ST14: variants seen among roughly 807,000 people sequenced by gnomAD.
ST14 encodes suppressor of tumorigenicity 14 protein.
ST14 carries 40 observed loss-of-function variants against 96.5 expected under a neutral mutation model. That is an observed-to-expected ratio of 0.41 (90% confidence interval 0.32 to 0.54). ST14 has a LOEUF of 0.54. Among genes scored for constraint, ST14 ranks in the 20% least tolerant of loss-of-function variants. The probability of loss-of-function intolerance (pLI) is 0.17; values close to 1 mark genes in which losing one functional copy is unlikely to be tolerated. For missense variants in ST14, 1,066 were observed against 1,188.9 expected (o/e 0.90, Z 1.52); for synonymous variants, 506 against 492.1 (o/e 1.03, Z -0.37).
Position 130,199,953 on chromosome 11 carries a change from T to C in ST14, c.1810T>C (p.Cys604Arg). Residue 604 changes from cysteine to arginine, a missense_variant and splice_region_variant, in exon 16 of 19, where the codon TGT becomes CGT. Coordinates refer to ENST00000278742, the MANE Select transcript of ST14 (RefSeq NM_021978.4). ...SDGSDEKDCD[C>R]GLRSFTRQAR... Reference sequence around the variant, plus strand: ...CTGGTTCTCTGCTCCCTCTGCAGACTGTGGGCTGCGGTCATTCACGAGACA... The same window carrying C: ...CTGGTTCTCTGCTCCCTCTGCAGACCGTGGGCTGCGGTCATTCACGAGACA... 1 of 1,614,210 alleles carries C rather than the reference T, an allele frequency of 6.2e-7. No homozygotes were observed. The highest frequency in any genetic ancestry group is 8.5e-7 in the Non-Finnish European group (1 of 1,180,024).
In ST14 at chr11:130,190,647, G is replaced by T; in HGVS notation, c.828G>T (p.Val276=). The change falls in exon 7 of 19, where the codon GTG becomes GTT. Residue 276 remains valine, a synonymous_variant. Transcript: ENST00000278742. The part of the protein sequence containing the change: ...ASCDERGSDL[V]TVYNTLSPME... ...GCGACGAGCGCGGCAGCGACCTGGT[G>T]ACGGTGTACAACACCCTGAGCCCCA... 1 of 1,607,138 alleles carries T rather than the reference G, an allele frequency of 6.2e-7. No homozygotes were observed. Among genetic ancestry groups the T allele is most frequent in the Non-Finnish European group, 8.5e-7 (1 of 1,177,348 alleles).
At chr11:130,173,626 A>G (rs1002479454) in intron 1 of ST14, among the ~76,000 whole-genome samples, 3 of 151,838 alleles carry the variant, frequency 2.0e-5, no homozygotes, top group Non-Finnish European at 2.9e-5. Flanking sequence ...ACACCCTCCA[A>G]CAAAAAAAAT....
rs1023357586 is a variant in ST14, at chr11:130,187,895, C to T, written c.82-219C>T. 4.6e-5 allele frequency among the ~76,000 whole-genome samples: 7 copies of T among 152,174 alleles called. No individual in the cohort carries two copies. Among genetic ancestry groups the T allele is most frequent in the Non-Finnish European group, 5.9e-5 (4 of 68,030 alleles). The stretch of plus-strand genomic sequence containing the variant: ...CCCTGAGATGCGTGGTTGGGAAGGC[C>T]GACCTCATGTTCCTCCCAGAGCATG... On this transcript the variant is annotated intron_variant, in intron 1 of 18. Transcript: ENST00000278742. This position sits in a 1 kb window ranked among gnomAD's most constrained non-coding sequence, Gnocchi z 4.5.
At chr11:130,201,520 C>T (rs981203653) in intron 16 of ST14, among the ~76,000 whole-genome samples, 5 of 152,240 alleles carry the variant, frequency 3.3e-5, no homozygotes, top group African/African-American at 1.2e-4. Context: ...ACAGCAAGAG[C>T]CTGTGGGGAG....
chr11:130,170,959 C>G (rs1257514767), intron 1 of ST14, among the ~76,000 whole-genome samples: 2 of 152,036 alleles, frequency 1.3e-5, no homozygotes, highest in African/African-American at 4.8e-5. Context: ...ACATTACAGA[C>G]AGGGGCCTGT....
intron 1 of ST14, among the ~76,000 whole-genome samples, chr11:130,171,396 C>T (rs1953091327): frequency 6.6e-6 from 1 of 152,142 alleles, no homozygotes; most frequent in Admixed American, 6.5e-5. Context: ...AAGGAAAATG[C>T]TTAGTTTGTT....
At chr11:130,168,060 A>G (rs1362926008) in intron 1 of ST14, among the ~76,000 whole-genome samples, 2 of 152,106 alleles carry the variant, frequency 1.3e-5, no homozygotes, top group Admixed American at 6.6e-5. Flanking sequence ...TTTCCATGTC[A>G]TTATCTACTT....
chr11:130,173,088 C>A (rs73046966), intron 1 of ST14, among the ~76,000 whole-genome samples: 259 of 152,260 alleles, frequency 1.7e-3, no homozygotes, highest in Non-Finnish European at 2.7e-3. Context: ...TTTCTCTGTG[C>A]CTCAGTTTTC....
At chr11:130,160,268 G>A (rs1002990368) in intron 1 of ST14, among the ~76,000 whole-genome samples, 1 of 147,908 alleles carries the variant, frequency 6.8e-6, no homozygotes. Context: ...CGCCCCGCCA[G>A]GGGGAGGCGG....
intron 12 of ST14, 128 bp downstream of exon 12, chr11:130,198,073 T>C: frequency 9.9e-7 from 1 of 1,005,798 alleles, no homozygotes. Context: ...CTCGGCCCTG[T>C]GTAGAGACCT....
At chr11:130,204,992 A>T (rs1470580297) in intron 16 of ST14, among the ~76,000 whole-genome samples, 3 of 152,168 alleles carry the variant, frequency 2.0e-5, no homozygotes, top group Non-Finnish European at 4.4e-5. Context: ...AGGGAAAATG[A>T]AGCGGGTCTT....
chr11:130,176,349 C>G (rs929892329), intron 1 of ST14, among the ~76,000 whole-genome samples: 1 of 152,012 alleles, frequency 6.6e-6, no homozygotes, highest in Non-Finnish European at 1.5e-5. Context: ...AAAAGTTACC[C>G]CTGACAGGGA....
At chr11:130,169,976 G>A (rs1251754327) in intron 1 of ST14, among the ~76,000 whole-genome samples, 1 of 152,226 alleles carries the variant, frequency 6.6e-6, no homozygotes, top group Admixed American at 6.5e-5. Context: ...AGGTGGGGCA[G>A]CTGGGCCGGG....
chr11:130,182,304 T>C (rs1394618134), intron 1 of ST14, among the ~76,000 whole-genome samples: 3 of 152,140 alleles, frequency 2.0e-5, no homozygotes, highest in African/African-American at 7.2e-5. Context: ...TTTCTTTTTT[T>C]CTTTGTTTCT....
rs759080120 is a variant in ST14 at position 130,194,700 on chromosome 11, A to G, written c.1076A>G (p.His359Arg). 6.2e-7 allele frequency: 1 copy of G among 1,614,196 alleles called. No individual in the cohort carries two copies. The highest frequency in any genetic ancestry group is 8.5e-7 in the Non-Finnish European group (1 of 1,180,030). Reference protein sequence around the residue: ...GTFNSPYYPGHYPPNIDCTWN... With the variant: ...GTFNSPYYPGRYPPNIDCTWN... Reference sequence around the variant, plus strand: ...TTCAACAGCCCCTACTACCCAGGCCACTACCCACCCAACATTGACTGCACA... The same window carrying G: ...TTCAACAGCCCCTACTACCCAGGCCGCTACCCACCCAACATTGACTGCACA... Residue 359 changes from histidine (H) to arginine (R), a missense_variant, in exon 9 of 19, where the codon CAC becomes CGC. Physicochemically the swap from His to Arg is conservative, Grantham distance 29. Coordinates refer to ENST00000278742, the MANE Select transcript of ST14 (RefSeq NM_021978.4).
At position 130,162,773 on chromosome 11, in the gene ST14, A is replaced by G. The variant is rs150241391; in HGVS notation, c.81+2713A>G. 3.9e-3 allele frequency among the ~76,000 whole-genome samples: 600 copies of G among 152,312 alleles called. 4 individuals carry two copies. Among genetic ancestry groups the G allele is most frequent in the African/African-American group, 0.014 (570 of 41,574 alleles). The stretch of plus-strand genomic sequence containing the variant: ...AACTGAATTCTGACTCATGAGTACT[A>G]GCTTCTCGATATGCACTGGGTGAGC... On this transcript the variant is annotated intron_variant, in intron 1 of 18. Coordinates refer to ENST00000278742, the MANE Select transcript of ST14 (RefSeq NM_021978.4).
intron 1 of ST14, among the ~76,000 whole-genome samples, chr11:130,160,726 A>C (rs1370337229): frequency 6.6e-6 from 1 of 152,216 alleles, no homozygotes; most frequent in East Asian, 1.9e-4. Context: ...CAGAAAGAAC[A>C]ATGAAAGACC....
rs1156426764 is a variant in ST14 at position 130,187,944 on chromosome 11, TG to T, written c.82-169del. Among the ~76,000 whole-genome samples the T allele has an allele frequency of 1.3e-5, 2 of 152,238 alleles. No individual in the cohort carries two copies. Among genetic ancestry groups the T allele is most frequent in the Non-Finnish European group, 2.9e-5 (2 of 68,046 alleles). ...TGCCCAGGGTTCATGTCCCGGGGTC[TG>T]CGCTCTGGGCAGTGGTCCCCATGCC... On this transcript the variant is annotated intron_variant, in intron 1 of 18. Transcript: ENST00000278742. This position sits in a 1 kb window ranked among gnomAD's most constrained non-coding sequence, Gnocchi z 4.5.
At chr11:130,166,879 T>C (rs952928317) in intron 1 of ST14, among the ~76,000 whole-genome samples, 1 of 152,352 alleles carries the variant, frequency 6.6e-6, no homozygotes. Context: ...TATATACATA[T>C]TTAAAGAAAA....
Sources: gnomAD v4.1 joint callset for allele counts (sites outside exome capture counted in the v4.1 genomes callset) on GRCh38, gnomAD v4.1.1 for gene constraint, Gnocchi (gnomAD v3.1) non-coding constraint, MANE v1.5 for transcripts, NCBI Gene and HGNC (gene_info 2026-07-23, HGNC 2026-07-21) for gene names.